TJP1: variants seen among roughly 807,000 people sequenced by gnomAD.
TJP1 encodes tight junction protein ZO-1.
In TJP1, 43 loss-of-function variants were observed where a neutral mutation model predicts 194.2. The ratio of observed to expected loss-of-function variants is 0.22; its 90% CI spans 0.17 to 0.29. The LOEUF (loss-of-function observed/expected upper bound fraction) is 0.29, where lower values mean the gene tolerates loss of function less well. Among genes scored for constraint, TJP1 ranks in the 10% least tolerant of loss-of-function variants. TJP1 has a pLI of 1.00. For synonymous variants in TJP1, 801 were observed against 779.0 expected (o/e 1.03, Z -0.47); for missense variants, 1,971 against 2,185.7 (o/e 0.90, Z 1.96).
rs147358874 is a variant in TJP1, at chr15:29,830,732, G to A, written c.307-30030C>T. On this transcript the variant is annotated intron_variant, in intron 2 of 28. Transcript: ENST00000356107. ...CTCTGGCCATTGAAAAGGACTGGGA[G>A]TAATGGAAATTCAATAGCAAGGAGT... is the stretch of plus-strand genomic sequence containing the variant. Among the ~76,000 whole-genome samples the A allele has an allele frequency of 5.6e-3, 857 of 152,024 alleles. 13 individuals carry two copies. The highest frequency in any genetic ancestry group is 0.02 in the African/African-American group (809 of 41,440).
intron 2 of TJP1, among the ~76,000 whole-genome samples, chr15:29,792,769 C>T (rs530961798): frequency 8.5e-5 from 13 of 152,226 alleles, no homozygotes; most frequent in Middle Eastern, 3.4e-3. Context: ...CTTTTTGGTG[C>T]CGTCTTCAAT....
chr15:29,848,443 T>G lies in TJP1; in HGVS notation c.307-47741A>C, dbSNP rs369583549. Among the ~76,000 whole-genome samples, 70 of 152,362 alleles carry G rather than the reference T, an allele frequency of 4.6e-4. 1 individual carries two copies. Among genetic ancestry groups the G allele is most frequent in the African/African-American group, 1.6e-3 (67 of 41,590 alleles). ...TTAAGTATCAGTTATATTAAGCATA[T>G]CTTAAAATGCTGAAAACTCTATTTC... is the stretch of plus-strand genomic sequence containing the variant. On this transcript the variant is annotated intron_variant, in intron 2 of 28. Coordinates refer to the TJP1 transcript ENST00000356107.
At chr15:29,801,844 G>A (rs1415313358) in intron 1 of TJP1, among the ~76,000 whole-genome samples, 1 of 151,428 alleles carries the variant, frequency 6.6e-6, no homozygotes, top group Non-Finnish European at 1.5e-5. Flanking sequence ...ATTGTCTTGG[G>A]CCACACATAA....
At chr15:29,825,136 A>C (rs914010110), upstream of TJP1, among the ~76,000 whole-genome samples, 3 of 152,224 alleles carry the variant, frequency 2.0e-5, no homozygotes, top group Admixed American at 2.0e-4. Context: ...TTATTCCTGC[A>C]GTTTATTTTT....
rs181372410 is a variant in TJP1 at position 29,713,127 on chromosome 15, C to A, written c.4203-2127G>T. 2.0e-4 allele frequency among the ~76,000 whole-genome samples: 31 copies of A among 152,318 alleles called. 1 individual carries two copies. Among genetic ancestry groups the A allele is most frequent in the Admixed American group, 1.9e-3 (29 of 15,298 alleles). On this transcript the variant is annotated intron_variant, in intron 23 of 27. Transcript: ENST00000614355. ...GAACATCAGTCTCTCACATTTAGTTCTTTAAAAGCTACAAACCACCATCAT... is the reference window on the plus strand; with the variant it reads ...GAACATCAGTCTCTCACATTTAGTTATTTAAAAGCTACAAACCACCATCAT...
At chr15:29,801,980 G>T (rs929066273) in intron 1 of TJP1, among the ~76,000 whole-genome samples, 1 of 152,092 alleles carries the variant, frequency 6.6e-6, no homozygotes, top group Non-Finnish European at 1.5e-5. Context: ...ACCACGGGTT[G>T]GACAAGGTTG....
At chr15:29,883,542 C>A (rs1185209878) in intron 2 of TJP1, among the ~76,000 whole-genome samples, 1 of 151,242 alleles carries the variant, frequency 6.6e-6, no homozygotes, top group African/African-American at 2.4e-5. Context: ...CCTCCTTCCA[C>A]ACACAAACAA....
intron 2 of TJP1, among the ~76,000 whole-genome samples, chr15:29,898,468 T>C (rs1424580058): frequency 1.3e-5 from 2 of 152,246 alleles, no homozygotes; most frequent in Non-Finnish European, 2.9e-5. Context: ...AAAACATTTA[T>C]ATAGGATCCC....
At chr15:29,808,927 A>G (rs1455235863) in intron 1 of TJP1, among the ~76,000 whole-genome samples, 2 of 152,184 alleles carry the variant, frequency 1.3e-5, no homozygotes, top group Non-Finnish European at 2.9e-5. Context: ...ACAAACAAAA[A>G]AATCAAATCT....
intron 25 of TJP1, among the ~76,000 whole-genome samples, 183 bp from the exon 26 acceptor site, chr15:29,705,928 T>G (rs535593325): frequency 2.0e-5 from 3 of 152,198 alleles, no homozygotes; most frequent in Non-Finnish European, 4.4e-5. Context: ...ATTATTTCTT[T>G]TTTGTTTGTT....
At chr15:29,730,015 G>T (rs776947645) in intron 15 of TJP1, among the ~76,000 whole-genome samples, 1 of 152,036 alleles carries the variant, frequency 6.6e-6, no homozygotes, top group African/African-American at 2.4e-5. Context: ...TGTATCTTTT[G>T]TAATAGTAAT....
At position 29,761,126 on chromosome 15, in the gene TJP1, T is replaced by A. The variant is rs757335711; in HGVS notation, c.1010+13A>T. ...AAAACCCCTGTATTTTTTAAAAAAA[T>A]AGGGTGTCTTACCTGCCATTGCTTG... is the stretch of plus-strand genomic sequence containing the variant. On this transcript the variant is annotated intron_variant, in intron 8 of 27. Coordinates refer to ENST00000614355, the MANE Select transcript of TJP1 (RefSeq NM_001330239.4). The A allele has an allele frequency of 6.4e-7, 1 of 1,566,710 alleles. No individual in the cohort carries two copies. The highest frequency in any genetic ancestry group is 8.6e-7 in the Non-Finnish European group (1 of 1,158,008).
chr15:29,713,915 G>C (rs1447743878), intron 23 of TJP1, among the ~76,000 whole-genome samples: 1 of 152,166 alleles, frequency 6.6e-6, no homozygotes, highest in African/African-American at 2.4e-5. Context: ...ATCAAACTGA[G>C]TTCTGAGTAA....
At chr15:29,943,677 G>A (rs1025440988) in intron 2 of TJP1, among the ~76,000 whole-genome samples, 23 of 144,778 alleles carry the variant, frequency 1.6e-4, no homozygotes, top group African/African-American at 5.9e-4. Flanking sequence ...GGCCAAGCAT[G>A]GTGGCTTATG....
intron 5 of TJP1, among the ~76,000 whole-genome samples, chr15:29,763,739 G>C (rs1457073269): frequency 7.1e-6 from 1 of 141,200 alleles, no homozygotes; most frequent in Non-Finnish European, 1.5e-5. Flanking sequence ...TGCACTCCAA[G>C]CCTGAGAGAG....
intron 13 of TJP1, 89 bp downstream of exon 13, chr15:29,733,005 T>A (rs2043769258): frequency 1.4e-6 from 2 of 1,440,142 alleles, no homozygotes; most frequent in African/African-American, 2.8e-5. Context: ...AAAAGAATTC[T>A]TTACATTACC....
At chr15:29,921,673 C>G (rs1269333627) in intron 2 of TJP1, among the ~76,000 whole-genome samples, 1 of 152,140 alleles carries the variant, frequency 6.6e-6, no homozygotes, top group Non-Finnish European at 1.5e-5. Flanking sequence ...AGTTTACTCT[C>G]ATTTTGATGG....
rs1310593582 is a variant in TJP1, at chr15:29,716,718, T to G, written c.4095A>C (p.Arg1365Ser). Residue 1365 changes from arginine to serine, a missense_variant, in exon 23 of 28, where the codon AGA becomes AGC. Physicochemically the swap from Arg to Ser is moderately radical, Grantham distance 110. Around this residue, in one of 5 missense-constraint regions of TJP1, gnomAD observed 1,108 missense variants for 1,128.5 expected, o/e 0.98. Transcript: ENST00000614355. The stretch of plus-strand genomic sequence containing the variant: ...GTGCAGGAGGCTTATTCTCAAAACT[T>G]CTTCGGTCAAAGTATGACAGCTGTT... ...YRKQLSYFDRRSFENKPPAHI... is the reference protein window; with the variant it reads ...YRKQLSYFDRSSFENKPPAHI... 4 of 1,614,028 alleles carry G rather than the reference T, an allele frequency of 2.5e-6. No individual in the cohort carries two copies. The East Asian group carries it at 6.7e-5, about 27-fold the overall frequency.
chr15:29,865,751 G>T (rs1209023250), intron 2 of TJP1, among the ~76,000 whole-genome samples: 1 of 152,084 alleles, frequency 6.6e-6, no homozygotes, highest in Non-Finnish European at 1.5e-5. Context: ...AATATCAAAT[G>T]AACCAGAGGG....
Sources: gnomAD v4.1 joint callset for allele counts (sites outside exome capture counted in the v4.1 genomes callset) on GRCh38, gnomAD v4.1.1 for gene constraint, gnomAD v4.1.1 regional missense constraint, MANE v1.5 for transcripts, NCBI Gene and HGNC (gene_info 2026-07-23, HGNC 2026-07-21) for gene names.